SAMD4A: variants seen among roughly 807,000 people sequenced by gnomAD.
The protein encoded by SAMD4A is protein Smaug homolog 1.
In SAMD4A, 33 loss-of-function variants were observed where a neutral mutation model predicts 81.3. That is an observed-to-expected ratio of 0.41 (90% CI 0.31 to 0.54). SAMD4A has a LOEUF of 0.54. Ranked by LOEUF, SAMD4A falls within the 20% of genes least tolerant of loss-of-function variation. The probability of loss-of-function intolerance (pLI) is 0.37; values close to 1 mark genes in which losing one functional copy is unlikely to be tolerated. For synonymous variants in SAMD4A, 389 were observed against 382.1 expected, an observed-to-expected ratio of 1.02 and a Z score of -0.21; for missense variants, 854 against 951.1, an observed-to-expected ratio of 0.90 and a Z score of 1.34.
intron 3 of SAMD4A, among the ~76,000 whole-genome samples, chr14:54,707,735 A>T (rs2036894397): frequency 1.3e-5 from 2 of 152,066 alleles, no homozygotes; most frequent in Admixed American, 1.3e-4. Flanking sequence ...AGTGGAAGTT[A>T]GCCAAGTGGG....
intron 2 of SAMD4A, among the ~76,000 whole-genome samples, chr14:54,637,636 G>A (rs17127689): frequency 0.017 from 2,524 of 152,288 alleles, 66 homozygotes; most frequent in African/African-American, 0.058. Flanking sequence ...CGTGGACACA[G>A]AGCTTGCCAA....
intron 2 of SAMD4A, among the ~76,000 whole-genome samples, chr14:54,649,835 T>C (rs2140418411): frequency 6.6e-6 from 1 of 152,364 alleles, no homozygotes; most frequent in East Asian, 1.9e-4. Context: ...ACACAATCAT[T>C]TGCCTGCTTT....
chr14:54,709,553 T>C (rs532732595), intron 3 of SAMD4A, among the ~76,000 whole-genome samples: 2 of 152,208 alleles, frequency 1.3e-5, no homozygotes, highest in Admixed American at 1.3e-4. Flanking sequence ...TTATGCAGCC[T>C]TTTGGATGAC....
At chr14:54,737,316 GAAAGAGCCC>G (rs775411436) in intron 4 of SAMD4A, 29 bp downstream of exon 4, 1 of 1,611,776 alleles carries the variant, frequency 6.2e-7, no homozygotes, top group Non-Finnish European at 8.5e-7. Flanking sequence ...AACCACTGGG[GAAAGAGCCC>G]CTCCCTTTAT....
intron 2 of SAMD4A, among the ~76,000 whole-genome samples, chr14:54,669,249 C>G (rs2035821298): frequency 2.6e-5 from 4 of 152,038 alleles, no homozygotes; most frequent in African/African-American, 4.8e-5. Context: ...CATGCCCCAG[C>G]CTGGAGCCCG....
chr14:54,761,185 GCTTA>G (rs1354730122), intron 7 of SAMD4A, among the ~76,000 whole-genome samples: 2 of 152,190 alleles, frequency 1.3e-5, no homozygotes, highest in Non-Finnish European at 2.9e-5. Flanking sequence ...TACCTATAGA[GCTTA>G]CTTAATTCCC....
At chr14:54,762,154 G>T (rs2139869031) in intron 7 of SAMD4A, among the ~76,000 whole-genome samples, 1 of 152,162 alleles carries the variant, frequency 6.6e-6, no homozygotes, top group Non-Finnish European at 1.5e-5. Context: ...TTTCTACCTG[G>T]GCTACCCTCT....
At position 54,786,851 on chromosome 14, in the gene SAMD4A, T is replaced by A. The variant is rs78426937; in HGVS notation, c.2129-2065T>A. Among the ~76,000 whole-genome samples, 1,365 of 152,328 alleles carry A rather than the reference T, an allele frequency of 9.0e-3. 16 individuals are homozygous for A. The highest frequency in any genetic ancestry group is 0.031 in the African/African-American group (1,292 of 41,562). ...CAGAAAACCTCTCTGAACCGATGGG[T>A]TTTTTGCTAATGTTTTCATCTTGTT... On this transcript the variant is annotated intron_variant, in intron 12 of 12. Coordinates refer to ENST00000554335, the MANE Select transcript of SAMD4A (RefSeq NM_015589.6).
rs1381821013 is a variant in SAMD4A at position 54,791,951 on chromosome 14, A to G, written c.*3007A>G. 1.3e-5 allele frequency: 2 copies of G among 152,210 alleles called. No individual in the cohort carries two copies. Among genetic ancestry groups the G allele is most frequent in the African/African-American group, 2.4e-5 (1 of 41,456 alleles). The allele number at this position is 152,210 out of a possible 1,614,324, so 9.4% of individuals were successfully genotyped here. ...CTCAGAGTAAAATCTATTTCACTAC[A>G]TGCTTTTCCCCCCTTGTTCTGATTT... On this transcript the variant is annotated 3_prime_UTR_variant, in exon 13 of 13. Transcript: ENST00000554335.
chr14:54,689,296 C>T (rs1194604867), intron 2 of SAMD4A, among the ~76,000 whole-genome samples: 1 of 152,138 alleles, frequency 6.6e-6, no homozygotes, highest in Non-Finnish European at 1.5e-5. Flanking sequence ...GAACCAGTGC[C>T]TTAGGGCTTT....
intron 3 of SAMD4A, among the ~76,000 whole-genome samples, chr14:54,712,770 G>A (rs934671047): frequency 1.3e-5 from 2 of 152,166 alleles, no homozygotes; most frequent in African/African-American, 4.8e-5. Context: ...GGGTCATGAG[G>A]CTGTGCTCTC....
At chr14:54,649,239 T>C (rs1404724046) in intron 2 of SAMD4A, among the ~76,000 whole-genome samples, 1 of 152,188 alleles carries the variant, frequency 6.6e-6, no homozygotes, top group East Asian at 1.9e-4. Context: ...TGTGACTTAT[T>C]TTTAAAGGAA....
At chr14:54,671,826 T>C (rs1408965895) in intron 2 of SAMD4A, among the ~76,000 whole-genome samples, 2 of 152,094 alleles carry the variant, frequency 1.3e-5, no homozygotes, top group Admixed American at 6.5e-5. Flanking sequence ...TAGGCCTGAA[T>C]TGACACCTCA....
At chr14:54,601,244 C>A (rs1425099698) in intron 2 of SAMD4A, among the ~76,000 whole-genome samples, 2 of 152,140 alleles carry the variant, frequency 1.3e-5, no homozygotes, top group African/African-American at 4.8e-5. Flanking sequence ...ATTACAATAA[C>A]TCTCATCTCT....
At chr14:54,712,310 C>T (rs763626733) in intron 3 of SAMD4A, among the ~76,000 whole-genome samples, 3 of 152,120 alleles carry the variant, frequency 2.0e-5, no homozygotes, top group Non-Finnish European at 4.4e-5. Context: ...ATCTAGCCAA[C>T]CTGGCATGTA....
chr14:54,735,967 T>C (rs1331337789), intron 3 of SAMD4A, among the ~76,000 whole-genome samples: 3 of 152,188 alleles, frequency 2.0e-5, no homozygotes, highest in African/African-American at 7.2e-5. Flanking sequence ...TAAAAATGCA[T>C]GTGGCTCAAT....
intron 2 of SAMD4A, among the ~76,000 whole-genome samples, chr14:54,662,492 C>T (rs539715558): frequency 1.5e-4 from 23 of 151,688 alleles, no homozygotes; most frequent in African/African-American, 5.3e-4. Context: ...TCACTGCAAC[C>T]TCCACCTCCC....
At chr14:54,701,342 G>C (rs905775145) in intron 2 of SAMD4A, among the ~76,000 whole-genome samples, 1 of 152,084 alleles carries the variant, frequency 6.6e-6, no homozygotes, top group African/African-American at 2.4e-5. Flanking sequence ...ACTTAAATAT[G>C]ATTAAAATGA....
intron 3 of SAMD4A, among the ~76,000 whole-genome samples, chr14:54,732,588 C>T (rs1028838409): frequency 2.0e-5 from 3 of 151,926 alleles, no homozygotes; most frequent in South Asian, 2.1e-4. Context: ...CTGCATTCAG[C>T]GTGTAAATTT....
Sources: allele counts gnomAD v4.1 joint callset (sites outside exome capture counted in the v4.1 genomes callset), GRCh38; gene constraint gnomAD v4.1.1; transcripts MANE v1.5; gene names NCBI Gene and HGNC (gene_info 2026-07-23, HGNC 2026-07-21).